Variants in SLF2 observed in about 807,000 individuals in gnomAD.
SLF2 encodes the protein SMC5/6 complex localization factor 2, also known as SMC5-SMC6 complex localization factor protein 2.
A neutral mutation model predicts 124.3 loss-of-function variants in SLF2; 68 were observed. That is an observed-to-expected ratio of 0.55 (90% CI 0.45 to 0.67). SLF2 has a LOEUF of 0.67. Among genes scored for constraint, SLF2 ranks in the 30% least tolerant of loss-of-function variants. SLF2 has a pLI of 0.00. For synonymous variants in SLF2, 480 were observed against 478.8 expected, an observed-to-expected ratio of 1.00 and a Z score of -0.03; for missense variants, 1,246 against 1,373.7, an observed-to-expected ratio of 0.91 and a Z score of 1.47.
chr10:100,954,541 A>G (rs930712762), intron 17 of SLF2, among the ~76,000 whole-genome samples: 1 of 152,330 alleles, frequency 6.6e-6, no homozygotes, highest in African/African-American at 2.4e-5. Context: ...CTCACCAAGT[A>G]TATGTGAGAG....
At chr10:100,931,982 A>C (rs1358811618) in intron 9 of SLF2, among the ~76,000 whole-genome samples, 2 of 133,036 alleles carry the variant, frequency 1.5e-5, no homozygotes, top group Non-Finnish European at 3.4e-5. Context: ...ACAGAGTGAG[A>C]CTCTGTCTCA....
At chr10:100,930,539 G>T (rs574138920) in intron 8 of SLF2, among the ~76,000 whole-genome samples, 2 of 152,264 alleles carry the variant, frequency 1.3e-5, no homozygotes, top group South Asian at 2.1e-4. Context: ...ACAGATCAGG[G>T]TTCAGTTACC....
chr10:100,942,303 C>G (rs1421751000), intron 11 of SLF2, among the ~76,000 whole-genome samples: 1 of 152,120 alleles, frequency 6.6e-6, no homozygotes, highest in Non-Finnish European at 1.5e-5. Flanking sequence ...TCCTACAGTC[C>G]TCCTCCCATT....
Position 100,929,851 on chromosome 10 carries a change from A to G in SLF2, c.2187A>G (p.Ser729=), listed in dbSNP as rs775232903. 15 of 1,577,688 alleles carry G rather than the reference A, an allele frequency of 9.5e-6. 1 individual carries two copies. The Admixed American group carries it at 1.0e-4, about 11-fold the overall frequency. ...EEHKEFLKKF[S]VTIDAIPDHH... ...TCAGGGAATTTCTAAAGAAATTTTCAGTTACAATTGATGCTATTCCTGATC... is the reference window on the plus strand; with the variant it reads ...TCAGGGAATTTCTAAAGAAATTTTCGGTTACAATTGATGCTATTCCTGATC... The change falls in exon 8 of 20, where the codon TCA becomes TCG. Residue 729 remains serine (S), a synonymous_variant. Coordinates refer to ENST00000238961, the MANE Select transcript of SLF2 (RefSeq NM_018121.4).
rs750657184 is a variant in SLF2 at position 100,950,752 on chromosome 10, G to A, written c.3329G>A (p.Arg1110Gln). 6 of 1,612,838 alleles carry A rather than the reference G, an allele frequency of 3.7e-6. No homozygotes were observed. Among genetic ancestry groups the A allele is most frequent in the Non-Finnish European group, 4.2e-6 (5 of 1,179,094 alleles). Reference sequence around the variant, plus strand: ...TCTCATTCTTTTTCTTCTGGACAACGGGTAGGTAGTGTTTAGTGTTGTTGC... The same window carrying A: ...TCTCATTCTTTTTCTTCTGGACAACAGGTAGGTAGTGTTTAGTGTTGTTGC... ...SCSHSFSSGQ[R>Q]KHFVLLCGAL... Residue 1110 changes from arginine (R) to glutamine (Q), a missense_variant and splice_region_variant, in exon 17 of 20, where the codon CGG (arginine) becomes CAG (glutamine). Transcript: ENST00000238961.
chr10:100,962,844 T>G lies in SLF2; in HGVS notation c.*932T>G, dbSNP rs1161705598. On this transcript the variant is annotated 3_prime_UTR_variant, in exon 20 of 20. Transcript: ENST00000238961. ...CTTTGGGACACTGTGTCTGTGTATG[T>G]GTGTGTGTGTGTGTGTGTGTGTGTG... The G allele has an allele frequency of 1.5e-5, 2 of 137,196 alleles. No homozygotes were observed. The highest frequency in any genetic ancestry group is 5.7e-5 in the African/African-American group (2 of 35,302). The allele number at this position is 137,196 out of a possible 1,614,324, so 8.5% of individuals were successfully genotyped here.
chr10:100,960,846 G>A (rs1485704148), intron 19 of SLF2, among the ~76,000 whole-genome samples: 1 of 151,674 alleles, frequency 6.6e-6, no homozygotes, highest in Non-Finnish European at 1.5e-5. Context: ...GCTAGTAAGT[G>A]TGCCAGCCTG....
intron 9 of SLF2, among the ~76,000 whole-genome samples, chr10:100,934,057 G>C (rs189842355): frequency 6.6e-6 from 1 of 152,162 alleles, no homozygotes; most frequent in Non-Finnish European, 1.5e-5. Context: ...AAATAAGAAG[G>C]CTGAACTCCC....
rs1175246631 is a variant in SLF2 at position 100,959,490 on chromosome 10, T to G, written c.3480T>G (p.Pro1160=). Residue 1160 remains proline, a synonymous_variant, in exon 19 of 20, where the codon CCT becomes CCG. Coordinates refer to ENST00000238961, the MANE Select transcript of SLF2 (RefSeq NM_018121.4). Reference sequence around the variant, plus strand: ...AGGAAATAATCCAGAACTGTCGGCCTACTCAGGTGTCATTTTGTTATACAA... The same window carrying G: ...AGGAAATAATCCAGAACTGTCGGCCGACTCAGGTGTCATTTTGTTATACAA... ...KWQEIIQNCR[P]TQGQLHDFWV... The G allele has an allele frequency of 3.1e-6, 5 of 1,613,224 alleles. No homozygotes were observed. The East Asian group carries it at 1.1e-4, about 36-fold the overall frequency.
chr10:100,944,562 C>A (rs1294363011), intron 12 of SLF2, among the ~76,000 whole-genome samples: 1 of 150,748 alleles, frequency 6.6e-6, no homozygotes, highest in South Asian at 2.1e-4. Context: ...AATTTCTTAG[C>A]AATAATCTTT....
At chr10:100,960,699 T>C (rs1452745906) in intron 19 of SLF2, among the ~76,000 whole-genome samples, 1 of 152,172 alleles carries the variant, frequency 6.6e-6, no homozygotes, top group Non-Finnish European at 1.5e-5. Context: ...ATTAGAGATA[T>C]AATTTGTAAA....
intron 4 of SLF2, among the ~76,000 whole-genome samples, chr10:100,921,109 C>T (rs1033993318): frequency 6.6e-6 from 1 of 152,174 alleles, no homozygotes; most frequent in African/African-American, 2.4e-5. Context: ...GCATTTAGCC[C>T]TTTGGTCTTC....
At chr10:100,918,497 T>G (rs1374178716) in intron 4 of SLF2, 56 bp downstream of exon 4, 1 of 1,149,436 alleles carries the variant, frequency 8.7e-7, no homozygotes, top group African/African-American at 1.6e-5. Context: ...TTAATGGCAC[T>G]GCTTTTTAAA....
At chr10:100,923,112 G>A (rs975934353) in intron 4 of SLF2, among the ~76,000 whole-genome samples, 1 of 152,068 alleles carries the variant, frequency 6.6e-6, no homozygotes, top group Non-Finnish European at 1.5e-5. Flanking sequence ...TCATTCAAAT[G>A]TATGTGGTTA....
intron 4 of SLF2, among the ~76,000 whole-genome samples, chr10:100,921,877 C>T (rs551418538): frequency 6.6e-6 from 1 of 152,248 alleles, no homozygotes; most frequent in Admixed American, 6.5e-5. Context: ...TTACCCCTGT[C>T]CTTTTTGTAA....
chr10:100,917,221 T>C lies in SLF2; in HGVS notation c.836T>C (p.Ile279Thr), dbSNP rs746784502. Residue 279 changes from isoleucine (I) to threonine (T), a missense_variant, in exon 3 of 20, where the codon ATA (isoleucine) becomes ACA (threonine). By Grantham distance (89) the Ile-to-Thr change is moderately conservative. Transcript: ENST00000238961. ...EASSLSLKSS[I>T]ERKYKPRQEQ... ...AGCAGTCTTTCCTTAAAATCTAGTA[T>C]AGAAAGAAAATATAAACCAAGGCAG... The C allele has an allele frequency of 1.2e-6, 2 of 1,613,838 alleles. No homozygotes were observed. The highest frequency in any genetic ancestry group is 2.2e-5 in the South Asian group (2 of 91,068).
chr10:100,955,864 C>A (rs1423706830), intron 17 of SLF2, among the ~76,000 whole-genome samples: 3 of 149,918 alleles, frequency 2.0e-5, no homozygotes, highest in Non-Finnish European at 4.4e-5. Context: ...TGAGATCGCA[C>A]CACTGCACTT....
At position 100,937,428 on chromosome 10, in the gene SLF2, T is replaced by A; in HGVS notation, c.2463T>A (p.Ile821=). 1.2e-6 allele frequency: 2 copies of A among 1,610,228 alleles called. No homozygotes were observed. The highest frequency in any genetic ancestry group is 3.3e-5 in the Admixed American group (2 of 60,000). Residue 821 remains isoleucine (I), a synonymous_variant, in exon 10 of 20, where the codon ATT becomes ATA. Coordinates refer to ENST00000238961, the MANE Select transcript of SLF2 (RefSeq NM_018121.4). The part of the protein sequence containing the change: ...FRMMSVHTDC[I]VSVQILSTLM... ...TGATGTCAGTTCATACAGACTGTAT[T>A]GTGTCAGTGCAGATTTTAAGTACAT...
intron 17 of SLF2, among the ~76,000 whole-genome samples, chr10:100,953,333 A>C (rs1380877988): frequency 1.4e-5 from 2 of 147,898 alleles, no homozygotes; most frequent in Non-Finnish European, 3.0e-5. Flanking sequence ...ATTACTTTTT[A>C]TGATTAAAAA....
Sources: allele counts gnomAD v4.1 joint callset (sites outside exome capture counted in the v4.1 genomes callset), GRCh38; gene constraint gnomAD v4.1.1; transcripts MANE v1.5; gene names NCBI Gene and HGNC (gene_info 2026-07-23, HGNC 2026-07-21).